Variants in ASXL2 observed in about 807,000 individuals in gnomAD.
ASXL2 encodes the protein ASXL transcriptional regulator 2, also known as putative Polycomb group protein ASXL2.
ASXL2 carries 23 observed loss-of-function variants against 122.0 expected under a neutral mutation model. The observed-to-expected ratio is 0.19, with a 90% CI of 0.14 to 0.27. The LOEUF (loss-of-function observed/expected upper bound fraction) is 0.27. Among genes scored for constraint, ASXL2 ranks in the 10% least tolerant of loss-of-function variants. The pLI, the probability that ASXL2 is intolerant of heterozygous loss-of-function variation, is 1.00. For missense variants in ASXL2, 1,518 were observed against 1,713.8 expected, an observed-to-expected ratio of 0.89 and a Z score of 2.02; for synonymous variants, 650 against 637.0, an observed-to-expected ratio of 1.02 and a Z score of -0.31.
intron 3 of ASXL2, among the ~76,000 whole-genome samples, chr2:25,821,722 C>A (rs577547804): frequency 6.6e-6 from 1 of 152,250 alleles, no homozygotes; most frequent in African/African-American, 2.4e-5. Context: ...CTTGACTAAC[C>A]AAAGGAAAAG....
chr2:25,749,752 G>A lies in ASXL2; in HGVS notation c.1804C>T (p.Gln602Ter). The A allele has an allele frequency of 6.3e-7, 1 of 1,579,560 alleles. No individual in the cohort carries two copies. Among genetic ancestry groups the A allele is most frequent in the Non-Finnish European group, 8.6e-7 (1 of 1,168,182 alleles). ...CTGTCCCCTCTATTGAGAAAGGGCTGTGGTGAGACCTGAAATGGCTGCTGG... is the reference window on the plus strand; with the variant it reads ...CTGTCCCCTCTATTGAGAAAGGGCTATGGTGAGACCTGAAATGGCTGCTGG... ...QHQQPFQVSP[Q>*]PFLNRGDRIQ... Residue 602 changes from glutamine (Q) to a stop codon, truncating the protein, a stop_gained, in exon 12 of 13, where the codon CAG becomes TAG. Transcript: ENST00000435504. LOFTEE classifies it high-confidence loss of function.
rs1224710656 is a variant in ASXL2, at chr2:25,762,180, G to C, written c.776-2535C>G. Among the ~76,000 whole-genome samples, 4 of 151,708 alleles carry C rather than the reference G, an allele frequency of 2.6e-5. No individual in the cohort carries two copies. The East Asian group carries it at 5.8e-4, about 22-fold the overall frequency. ...ATCACATGTAACTAAAAAATATATA[G>C]AAGTATGATATATCAATTTTTTAGA... On this transcript the variant is annotated intron_variant, in intron 8 of 12. Transcript: ENST00000435504.
At chr2:25,762,333 TC>T (rs2088268438) in intron 8 of ASXL2, among the ~76,000 whole-genome samples, 1 of 98,342 alleles carries the variant, frequency 1.0e-5, no homozygotes. Context: ...AAAAAAAAAA[TC>T]AGTAAAGCCA....
At chr2:25,797,488 T>C (rs1462315081) in intron 5 of ASXL2, among the ~76,000 whole-genome samples, 2 of 151,988 alleles carry the variant, frequency 1.3e-5, no homozygotes, top group Non-Finnish European at 2.9e-5. Context: ...GCAAAAGACA[T>C]ATGATAAAGG....
intron 5 of ASXL2, among the ~76,000 whole-genome samples, chr2:25,797,399 C>T (rs1215038085): frequency 2.0e-5 from 3 of 152,134 alleles, no homozygotes; most frequent in African/African-American, 7.2e-5. Flanking sequence ...GAGCCGAGAT[C>T]GCTCCACTGT....
Position 25,750,231 on chromosome 2 carries a change from C to T in ASXL2, c.1325G>A (p.Gly442Asp), listed in dbSNP as rs960750962. The T allele has an allele frequency of 2.5e-6, 4 of 1,613,802 alleles. No individual in the cohort carries two copies. The Admixed American group carries it at 5.0e-5, about 20-fold the overall frequency. ...KEEALQMSSPGRKEECESQGE... is the reference protein window; with the variant it reads ...KEEALQMSSPDRKEECESQGE... The stretch of plus-strand genomic sequence containing the variant: ...TTGGCTTTCACACTCTTCTTTTCTG[C>T]CTGGTGATGACATTTGCAATGCTTC... Residue 442 changes from glycine (G) to aspartate (D), a missense_variant, in exon 12 of 13, where the codon GGC becomes GAC. Coordinates refer to ENST00000435504, the MANE Select transcript of ASXL2 (RefSeq NM_018263.6).
chr2:25,747,680 A>G (rs922800904), intron 12 of ASXL2, among the ~76,000 whole-genome samples: 6 of 152,160 alleles, frequency 3.9e-5, no homozygotes, highest in African/African-American at 1.4e-4. Flanking sequence ...CAAAACCTAA[A>G]CAGTTACTCA....
chr2:25,839,573 C>T (rs2089551866), intron 2 of ASXL2, among the ~76,000 whole-genome samples: 1 of 149,428 alleles, frequency 6.7e-6, no homozygotes, highest in South Asian at 2.1e-4. Context: ...ATCCAAACTT[C>T]TGTCTTTTTT....
intron 11 of ASXL2, among the ~76,000 whole-genome samples, chr2:25,751,306 G>T (rs1157856440): frequency 2.0e-5 from 3 of 152,150 alleles, no homozygotes; most frequent in Non-Finnish European, 4.4e-5. Flanking sequence ...GTTGAAAATA[G>T]AAAGACCCAC....
chr2:25,751,916 C>G (rs994789239), intron 11 of ASXL2, among the ~76,000 whole-genome samples: 1 of 151,938 alleles, frequency 6.6e-6, no homozygotes, highest in Non-Finnish European at 1.5e-5. Flanking sequence ...TCTACAGGTA[C>G]GCACCACTAC....
chr2:25,834,317 C>CA (rs1193764172), intron 3 of ASXL2, among the ~76,000 whole-genome samples: 9 of 152,106 alleles, frequency 5.9e-5, no homozygotes, highest in East Asian at 3.8e-4. Flanking sequence ...CATGCCACTC[C>CA]ACTCCAGCTT....
chr2:25,754,828 G>A (rs555955132), intron 10 of ASXL2, among the ~76,000 whole-genome samples: 17 of 149,268 alleles, frequency 1.1e-4, no homozygotes, highest in African/African-American at 3.7e-4. Flanking sequence ...TAATCTTTCT[G>A]AGAAAAAAAA....
chr2:25,787,858 AT>A (rs2088773794), intron 5 of ASXL2, among the ~76,000 whole-genome samples: 1 of 152,256 alleles, frequency 6.6e-6, no homozygotes, highest in South Asian at 2.1e-4. Flanking sequence ...GAGAGGGGAC[AT>A]GTGGAAACTA....
chr2:25,850,201 C>T (rs2089699385), intron 1 of ASXL2, among the ~76,000 whole-genome samples: 3 of 151,558 alleles, frequency 2.0e-5, no homozygotes, highest in Admixed American at 1.3e-4. Flanking sequence ...TTTTTTACAC[C>T]TCAGAAAATG....
intron 6 of ASXL2, among the ~76,000 whole-genome samples, chr2:25,769,213 C>A (rs540640165): frequency 6.6e-6 from 1 of 152,130 alleles, no homozygotes; most frequent in Non-Finnish European, 1.5e-5. Context: ...AAGCCAAAAA[C>A]TTCCCAGTCT....
In ASXL2 at chr2:25,771,534, G is replaced by A. The variant is rs755121972; in HGVS notation, c.410C>T (p.Ser137Leu). 5 of 1,604,844 alleles carry A rather than the reference G, an allele frequency of 3.1e-6. No individual in the cohort carries two copies. Among genetic ancestry groups the A allele is most frequent in the Non-Finnish European group, 4.3e-6 (5 of 1,175,604 alleles). ...KKSRWKRKVSSSSPQSGCPSP... is the reference protein window; with the variant it reads ...KKSRWKRKVSLSSPQSGCPSP... The stretch of plus-strand genomic sequence containing the variant: ...TGGGCAGCCTGACTGCGGGGAGGAC[G>A]ACGATACTAGGGAAAAAAAAGTGAC... Residue 137 changes from serine (S) to leucine (L), a missense_variant, in exon 6 of 13, where the codon TCG becomes TTG. Coordinates refer to ENST00000435504, the MANE Select transcript of ASXL2 (RefSeq NM_018263.6).
intron 1 of ASXL2, among the ~76,000 whole-genome samples, chr2:25,855,753 T>G (rs1459294055): frequency 6.6e-6 from 1 of 151,010 alleles, no homozygotes; most frequent in Non-Finnish European, 1.5e-5. Flanking sequence ...AGTGGACTGC[T>G]TGATCCCGGG....
At chr2:25,796,578 G>A (rs774228272) in intron 5 of ASXL2, among the ~76,000 whole-genome samples, 3 of 152,170 alleles carry the variant, frequency 2.0e-5, no homozygotes, top group East Asian at 1.9e-4. Flanking sequence ...ATTCCCTAAC[G>A]AAAGCTTTTC....
chr2:25,753,361 T>C (rs188221412), intron 11 of ASXL2, among the ~76,000 whole-genome samples, 173 bp downstream of exon 11: 2 of 140,602 alleles, frequency 1.4e-5, no homozygotes, highest in African/African-American at 2.6e-5. Flanking sequence ...TGATTCATAA[T>C]AAGAAAAAAA....
Sources: gnomAD v4.1 joint callset for allele counts (sites outside exome capture counted in the v4.1 genomes callset) on GRCh38, gnomAD v4.1.1 for gene constraint, MANE v1.5 for transcripts, NCBI Gene and HGNC (gene_info 2026-07-23, HGNC 2026-07-21) for gene names.